Variants in THSD4 observed in about 807,000 individuals in gnomAD.
THSD4 encodes the protein thrombospondin type-1 domain-containing protein 4.
Under a neutral mutation model 119.0 loss-of-function variants are expected in THSD4, and 69 were observed. The ratio of observed to expected loss-of-function variants is 0.58; its 90% CI spans 0.48 to 0.71. THSD4 has a LOEUF of 0.71. Among genes scored for constraint, THSD4 ranks in the 30% least tolerant of loss-of-function variants. THSD4 has a pLI of 0.00. For missense variants in THSD4, 1,393 were observed against 1,391.1 expected (o/e 1.00, Z -0.02); for synonymous variants, 524 against 540.4 (o/e 0.97, Z 0.42).
At chr15:71,180,343 T>C (rs531162373) in intron 3 of THSD4, among the ~76,000 whole-genome samples, 8 of 152,248 alleles carry the variant, frequency 5.3e-5, no homozygotes, top group African/African-American at 1.7e-4. Context: ...AGGACTTGAA[T>C]AGACGTTTCT....
At chr15:71,357,058 AC>A (rs1198350697) in intron 6 of THSD4, among the ~76,000 whole-genome samples, 2 of 152,182 alleles carry the variant, frequency 1.3e-5, no homozygotes, top group African/African-American at 4.8e-5. Flanking sequence ...ATTAGTAGGT[AC>A]ACAGGGCATG....
chr15:71,635,266 G>C (rs1567074265), intron 7 of THSD4, among the ~76,000 whole-genome samples: 1 of 152,056 alleles, frequency 6.6e-6, no homozygotes, highest in Non-Finnish European at 1.5e-5. Context: ...TGACTTCCAG[G>C]CTTGTAATGA....
intron 2 of THSD4, among the ~76,000 whole-genome samples, chr15:71,146,225 G>T (rs1190452319): frequency 6.6e-6 from 1 of 151,994 alleles, no homozygotes; most frequent in Non-Finnish European, 1.5e-5. Context: ...TTTTTGATTT[G>T]GGGCCATGGG....
intron 16 of THSD4, among the ~76,000 whole-genome samples, chr15:71,767,859 T>C (rs1253504858): frequency 2.0e-5 from 3 of 152,174 alleles, no homozygotes; most frequent in Non-Finnish European, 4.4e-5. Context: ...ACAACAGAGC[T>C]CATGTCCAAA....
Position 71,780,605 on chromosome 15 carries a change from T to C in THSD4, c.*3231T>C, listed in dbSNP as rs1225000592. 2.2e-6 allele frequency: 1 copy of C among 454,818 alleles called. No individual in the cohort carries two copies. Among genetic ancestry groups the C allele is most frequent in the Non-Finnish European group, 4.4e-6 (1 of 226,422 alleles). 28.2% of individuals were successfully genotyped at this position (454,818 alleles called of 1,614,324 possible). A position where few individuals can be genotyped will look rare whatever the true frequency, so the allele number is the denominator to read the frequency against. Reference sequence around the variant, plus strand: ...TCAGTTCAGTTCCGTAAAGGTATGCTCAGTGCCCGCTGCCTGCAAGCTGTT... The same window carrying C: ...TCAGTTCAGTTCCGTAAAGGTATGCCCAGTGCCCGCTGCCTGCAAGCTGTT... On this transcript the variant is annotated 3_prime_UTR_variant, in exon 18 of 18. Transcript: ENST00000261862.
chr15:71,763,930 G>A (rs559158929), intron 15 of THSD4, among the ~76,000 whole-genome samples: 1 of 152,158 alleles, frequency 6.6e-6, no homozygotes, highest in Admixed American at 6.5e-5. Context: ...GCCAGGTGTG[G>A]TGACATATGC....
intron 11 of THSD4, among the ~76,000 whole-genome samples, chr15:71,741,095 G>A (rs1301756303): frequency 6.6e-6 from 1 of 152,068 alleles, no homozygotes; most frequent in African/African-American, 2.4e-5. Context: ...AGACATAAGG[G>A]TAGATTTTAC....
intron 17 of THSD4, among the ~76,000 whole-genome samples, chr15:71,775,861 A>AT (rs1443204661): frequency 6.6e-6 from 1 of 152,238 alleles, no homozygotes; most frequent in Admixed American, 6.5e-5. Flanking sequence ...ACAAGGATGG[A>AT]TAAAAAAAGC....
intron 7 of THSD4, among the ~76,000 whole-genome samples, chr15:71,593,912 A>ACC (rs58360970): frequency 4.7e-4 from 66 of 140,220 alleles, no homozygotes; most frequent in South Asian, 3.0e-3. Context: ...ACCCCTTCCC[A>ACC]CCCCCCCGGC....
intron 6 of THSD4, among the ~76,000 whole-genome samples, chr15:71,286,106 A>T (rs765354440): frequency 1.3e-4 from 20 of 152,252 alleles, no homozygotes; most frequent in Middle Eastern, 3.4e-3. Context: ...GTTTGGGGTC[A>T]TGCTTTTACT....
intron 7 of THSD4, among the ~76,000 whole-genome samples, chr15:71,508,091 G>A (rs1018253341): frequency 3.3e-5 from 5 of 152,192 alleles, no homozygotes; most frequent in African/African-American, 9.7e-5. Flanking sequence ...CTAAGGGGGC[G>A]GGAGGACCAC....
chr15:71,188,864 T>G (rs1163130914), intron 3 of THSD4: 4 of 152,660 alleles, frequency 2.6e-5, no homozygotes, highest in Non-Finnish European at 5.9e-5. Flanking sequence ...AGAGGGCCTT[T>G]CGGGAGTGAG....
chr15:71,728,457 A>T, intron 8 of THSD4, 92 bp from the exon 9 acceptor site: 3 of 1,475,612 alleles, frequency 2.0e-6, no homozygotes, highest in Non-Finnish European at 2.8e-6. Context: ...AAAAACCTTG[A>T]TGAATGAAGA....
chr15:71,539,525 G>A (rs2048729897), intron 7 of THSD4, among the ~76,000 whole-genome samples: 2 of 152,254 alleles, frequency 1.3e-5, no homozygotes, highest in African/African-American at 2.4e-5. Context: ...AAGAGGTAGT[G>A]CACAATTATA....
At chr15:71,428,509 G>A (rs776612059) in intron 7 of THSD4, among the ~76,000 whole-genome samples, 1 of 152,172 alleles carries the variant, frequency 6.6e-6, no homozygotes, top group Non-Finnish European at 1.5e-5. Context: ...GGACATCTGA[G>A]TGAAGATGTG....
Position 71,442,579 on chromosome 15 carries a change from A to AAAAAAAAT in THSD4, c.1152+30757_1152+30758insAAAAAATA, listed in dbSNP as rs1195413080. Among the ~76,000 whole-genome samples the AAAAAAAAT allele has an allele frequency of 5.3e-4, 21 of 39,862 alleles. 1 individual carries two copies. Among genetic ancestry groups the AAAAAAAAT allele is most frequent in the East Asian group, 4.2e-3 (7 of 1,676 alleles). 26.2% of individuals were successfully genotyped at this position (39,862 alleles called of 152,430 possible). ...GCAAAACTCCATCTCAAAAAAAAAA[A>AAAAAAAAT]ATATATATATATATATATATATGTG... On this transcript the variant is annotated intron_variant, in intron 7 of 17. Transcript: ENST00000261862.
intron 3 of THSD4, among the ~76,000 whole-genome samples, chr15:71,206,457 A>G (rs560247318): frequency 3.9e-5 from 6 of 152,260 alleles, no homozygotes. Flanking sequence ...CTCAAACTCC[A>G]AGGTGTATTT....
intron 8 of THSD4, among the ~76,000 whole-genome samples, chr15:71,687,956 AG>A (rs2051953789): frequency 6.6e-6 from 1 of 152,206 alleles, no homozygotes; most frequent in Admixed American, 6.5e-5. Context: ...GTCTGTTATT[AG>A]CCAAGTCTGT....
At position 71,411,796 on chromosome 15, in the gene THSD4, G is replaced by A. The variant is rs369931175; in HGVS notation, c.1125G>A (p.Thr375=). ...GCACCCCCTGTGACCAGAACGGCACGGCCATCTGTGTGTCTGGGCAGTGCA... is the reference window on the plus strand; with the variant it reads ...GCACCCCCTGTGACCAGAACGGCACAGCCATCTGTGTGTCTGGGCAGTGCA... ...IDGTPCDQNG[T]AICVSGQCKS... is the part of the protein sequence containing the mutation. The change falls in exon 7 of 18, where the codon ACG becomes ACA. Residue 375 remains threonine (T), a synonymous_variant. Transcript: ENST00000261862. The A allele has an allele frequency of 9.9e-6, 16 of 1,613,868 alleles. No homozygotes were observed. The South Asian group carries it at 1.1e-4, about 11-fold the overall frequency.
Sources: gnomAD v4.1 joint callset for allele counts (sites outside exome capture counted in the v4.1 genomes callset) on GRCh38, gnomAD v4.1.1 for gene constraint, MANE v1.5 for transcripts, NCBI Gene and HGNC (gene_info 2026-07-23, HGNC 2026-07-21) for gene names.